Variants in TENM1 observed in about 807,000 individuals in gnomAD.
TENM1 encodes teneurin-1.
In TENM1, 35 loss-of-function variants were observed where a neutral mutation model predicts 174.8. The ratio of observed to expected loss-of-function variants is 0.20; its 90% CI spans 0.15 to 0.27. The LOEUF is 0.27. Among genes scored for constraint, TENM1 ranks in the 10% least tolerant of loss-of-function variants. TENM1 has a pLI of 1.00. For missense variants in TENM1, 1,633 were observed against 2,130.1 expected (o/e 0.77, Z 4.59); for synonymous variants, 781 against 798.7 (o/e 0.98, Z 0.37).
At chrX:124,581,594 A>C (rs113041042) in intron 11 of TENM1, among the ~76,000 whole-genome samples, 5,434 of 111,792 alleles carry the variant, frequency 0.049, 176 homozygotes, top group African/African-American at 0.11. Flanking sequence ...TTTTGTTTTA[A>C]CTTCTTTAAG....
At chrX:125,154,108 A>G in the TENM1 span, among the ~76,000 whole-genome samples, 2 of 112,431 alleles carry the variant, frequency 1.8e-5, no homozygotes, top group Non-Finnish European at 3.8e-5. Context: ...AAGAAAATAC[A>G]ATCAATTAGT....
At chrX:124,821,813 T>C (rs1285916745) in intron 3 of TENM1, among the ~76,000 whole-genome samples, 1 of 112,086 alleles carries the variant, frequency 8.9e-6, no homozygotes, top group Admixed American at 9.4e-5. Context: ...TGGGAATGGT[T>C]TGAATTCTAT....
At chrX:125,189,932 T>G in the TENM1 span, among the ~76,000 whole-genome samples, 1 of 112,187 alleles carries the variant, frequency 8.9e-6, no homozygotes, top group Admixed American at 9.5e-5. Context: ...ATACCTATAT[T>G]AATGCTATTT....
chrX:124,916,227 G>A (rs759452282), intron 1 of TENM1, among the ~76,000 whole-genome samples: 1 of 111,863 alleles, frequency 8.9e-6, no homozygotes, highest in Admixed American at 9.5e-5. Context: ...TGTTTAAGGG[G>A]TGGACACCTG....
chrX:124,417,583 C>T (rs1245138543), intron 25 of TENM1, among the ~76,000 whole-genome samples: 1 of 111,178 alleles, frequency 9.0e-6, no homozygotes, highest in Non-Finnish European at 1.9e-5. Flanking sequence ...TGTCTACACT[C>T]ACTTTCATGG....
intron 11 of TENM1, among the ~76,000 whole-genome samples, chrX:124,612,634 A>G: frequency 9.0e-6 from 1 of 111,690 alleles, no homozygotes; most frequent in Non-Finnish European, 1.9e-5. Flanking sequence ...ATGACAACAG[A>G]TCACATAACT....
At chrX:124,934,908 G>A (rs2058223127) in intron 1 of TENM1, among the ~76,000 whole-genome samples, 2 of 110,188 alleles carry the variant, frequency 1.8e-5, no homozygotes, top group East Asian at 5.7e-4. Flanking sequence ...TAATTGTATA[G>A]GTATCACTTA....
At chrX:124,376,296 A>G (rs1173157953) in exon 32 of TENM1, 1 of 112,600 alleles carries the variant, frequency 8.9e-6, no homozygotes, top group Non-Finnish European at 1.9e-5. Context: ...AAGCAGCTAA[A>G]AAGAATGTTT....
At chrX:125,074,690 T>A in the TENM1 span, among the ~76,000 whole-genome samples, 1 of 111,336 alleles carries the variant, frequency 9.0e-6, no homozygotes, top group East Asian at 2.8e-4. Flanking sequence ...TTCTTATCTC[T>A]CAACTATCCC....
chrX:124,958,518 T>C (rs1326071574), intron 1 of TENM1, among the ~76,000 whole-genome samples: 2 of 111,215 alleles, frequency 1.8e-5, no homozygotes, highest in Non-Finnish European at 3.8e-5. Context: ...TTGAAGAAAA[T>C]GAAGGGAAAC....
At chrX:125,125,155 A>T in the TENM1 span, among the ~76,000 whole-genome samples, 1 of 112,045 alleles carries the variant, frequency 8.9e-6, no homozygotes, top group African/African-American at 3.2e-5. Context: ...ATCAACTCAC[A>T]TCTAGAGAAT....
intron 18 of TENM1, 138 bp downstream of exon 21, chrX:124,520,379 G>A (rs1239027926): frequency 1.7e-6 from 1 of 603,510 alleles, no homozygotes; most frequent in Non-Finnish European, 2.5e-6. Flanking sequence ...CCTCAAGGTA[G>A]TGTTTAAATT....
chrX:125,077,621 C>G, the TENM1 span, among the ~76,000 whole-genome samples: 3 of 111,327 alleles, frequency 2.7e-5, no homozygotes, highest in Non-Finnish European at 5.7e-5. Context: ...GCTCTTTGAC[C>G]TCTCACCACA....
chrX:124,529,949 T>C, exon 16 of TENM1: 1 of 1,210,904 alleles, frequency 8.3e-7, no homozygotes, highest in South Asian at 1.8e-5. Flanking sequence ...GTTCCATCTA[T>C]GGCCACCACT....
chrX:124,918,119 G>A (rs946481806), intron 1 of TENM1, among the ~76,000 whole-genome samples: 6 of 111,372 alleles, frequency 5.4e-5, no homozygotes, highest in African/African-American at 1.3e-4. Flanking sequence ...GGCTATTTCT[G>A]GAGTACAGGA....
Position 124,720,107 on chromosome X carries a change from T to C in TENM1, c.777-14856A>G, listed in dbSNP as rs557342772. On this transcript the variant is annotated intron_variant, in intron 4 of 31. Coordinates refer to ENST00000422452, the Ensembl canonical transcript of TENM1. Reference sequence around the variant, plus strand: ...TCACTATAAAGGTGCAAACCAAAAATAAAATTCGAAGGCCCCAAATCATCC... The same window carrying C: ...TCACTATAAAGGTGCAAACCAAAAACAAAATTCGAAGGCCCCAAATCATCC... Among the ~76,000 whole-genome samples the C allele has an allele frequency of 3.4e-4, 38 of 111,441 alleles. No homozygotes were observed. In the South Asian group the frequency reaches 0.012, roughly 35 times the overall value.
At chrX:124,626,738 G>A (rs2050644840) in intron 11 of TENM1, among the ~76,000 whole-genome samples, 1 of 111,868 alleles carries the variant, frequency 8.9e-6, no homozygotes, top group Non-Finnish European at 1.9e-5. Context: ...TCTACCAGAA[G>A]TCTTAAGGGA....
At chrX:124,385,550 G>T in intron 29 of TENM1, 127 bp downstream of exon 32, 1 of 619,328 alleles carries the variant, frequency 1.6e-6, no homozygotes, top group African/African-American at 2.2e-5. Context: ...CAGATAATTT[G>T]ATAAGTAAAG....
intron 27 of TENM1, among the ~76,000 whole-genome samples, chrX:124,401,413 G>A (rs946652128): frequency 1.8e-5 from 2 of 111,982 alleles, no homozygotes; most frequent in African/African-American, 6.5e-5. Flanking sequence ...TGTATGACTT[G>A]GAAATTCTGT....
Sources: gnomAD v4.1 joint callset for allele counts (sites outside exome capture counted in the v4.1 genomes callset) on GRCh38, gnomAD v4.1.1 for gene constraint, MANE v1.5 for transcripts, NCBI Gene and HGNC (gene_info 2026-07-23, HGNC 2026-07-21) for gene names.